EHMT1: variants seen among roughly 807,000 people sequenced by gnomAD.
EHMT1 encodes the protein histone-lysine N-methyltransferase EHMT1.
EHMT1 carries 15 observed loss-of-function variants against 147.2 expected under a neutral mutation model. That is an observed-to-expected ratio of 0.10 (90% confidence interval 0.07 to 0.16). The LOEUF (loss-of-function observed/expected upper bound fraction) is 0.16. Among genes scored for constraint, EHMT1 ranks in the 10% least tolerant of loss-of-function variants. EHMT1 has a pLI of 1.00. For synonymous variants in EHMT1, 795 were observed against 709.6 expected (o/e 1.12, Z -1.91); for missense variants, 1,587 against 1,772.4 (o/e 0.90, Z 1.88).
chr9:137,723,917 C>A (rs1946336974), intron 3 of EHMT1, among the ~76,000 whole-genome samples: 1 of 152,236 alleles, frequency 6.6e-6, no homozygotes, highest in Non-Finnish European at 1.5e-5. Flanking sequence ...CATAAAGCCC[C>A]AGCTCAGAGC....
chr9:137,716,916 A>G lies in EHMT1; in HGVS notation c.376A>G (p.Ile126Val), dbSNP rs773781896. The change falls in exon 3 of 27, where the codon ATC (isoleucine) becomes GTC (valine). Residue 126 changes from isoleucine (I) to valine (V), a missense_variant. Around this residue, in one of 7 missense-constraint regions of EHMT1, gnomAD observed 810 missense variants for 673.0 expected, o/e 1.20. Transcript: ENST00000460843. ...TTCTGTCATCGGCAGCAACGGATAC[A>G]TCTTAAATAAGCCGGCCCTACAGGC... ...QTSVIGSNGY[I>V]LNKPALQAQP... 12 of 1,612,902 alleles carry G rather than the reference A, an allele frequency of 7.4e-6. No homozygotes were observed. The highest frequency in any genetic ancestry group is 4.4e-5 in the South Asian group (4 of 91,094).
At chr9:137,675,552 C>T (rs1941173438) in intron 1 of EHMT1, among the ~76,000 whole-genome samples, 1 of 151,654 alleles carries the variant, frequency 6.6e-6, no homozygotes, top group African/African-American at 2.4e-5. Flanking sequence ...CAAGCTCCAC[C>T]TCCCAGGTTC....
chr9:137,743,466 T>A lies in EHMT1; in HGVS notation c.919T>A (p.Leu307Ile). The A allele has an allele frequency of 1.2e-6, 2 of 1,614,098 alleles. No homozygotes were observed. Among genetic ancestry groups the A allele is most frequent in the South Asian group, 2.2e-5 (2 of 91,074 alleles). Residue 307 changes from leucine to isoleucine, a missense_variant, in exon 5 of 27, where the codon TTA (leucine) becomes ATA (isoleucine). Transcript: ENST00000460843. Reference sequence around the variant, plus strand: ...GGTTCCTAAGAAAAAGACCAAAGTATTAAAACAGAGGACGGTGATTGAGAT... The same window carrying A: ...GGTTCCTAAGAAAAAGACCAAAGTAATAAAACAGAGGACGGTGATTGAGAT... ...SLVPKKKTKV[L>I]KQRTVIEMFK...
At chr9:137,639,727 T>G (rs1844346563) in intron 1 of EHMT1, among the ~76,000 whole-genome samples, 1 of 152,238 alleles carries the variant, frequency 6.6e-6, no homozygotes, top group Non-Finnish European at 1.5e-5. Context: ...GTCCTTTCCA[T>G]CTGAGATCGG....
In EHMT1 at chr9:137,717,088, G is replaced by A; in HGVS notation, c.548G>A (p.Ser183Asn). Residue 183 changes from serine to asparagine, a missense_variant, in exon 3 of 27, where the codon AGT becomes AAT. Transcript: ENST00000460843. The stretch of plus-strand genomic sequence containing the variant: ...CCACCAGCCACCCTTGGGGAGGGGA[G>A]TGCTGACACAGAGGACAGGAAGCTC... Reference protein sequence around the residue: ...AAPPATLGEGSADTEDRKLPA... With the variant: ...AAPPATLGEGNADTEDRKLPA... 1.2e-6 allele frequency: 2 copies of A among 1,611,910 alleles called. No homozygotes were observed. The highest frequency in any genetic ancestry group is 1.7e-6 in the Non-Finnish European group (2 of 1,179,366).
intron 1 of EHMT1, among the ~76,000 whole-genome samples, chr9:137,686,647 C>G (rs1020009081): frequency 2.0e-5 from 3 of 151,440 alleles, no homozygotes; most frequent in Non-Finnish European, 2.9e-5. Flanking sequence ...TCCAAGAGTG[C>G]TGGGATTAGA....
At chr9:137,636,523 C>T (rs1432136211) in intron 1 of EHMT1, among the ~76,000 whole-genome samples, 1 of 152,114 alleles carries the variant, frequency 6.6e-6, no homozygotes, top group African/African-American at 2.4e-5. Context: ...ATGATATTAG[C>T]TATGAGTTTT....
intron 23 of EHMT1, chr9:137,817,211 G>A: frequency 1.6e-6 from 1 of 612,230 alleles, no homozygotes. Flanking sequence ...CAGGACCAGT[G>A]ACTTGCCGAG....
At chr9:137,698,073 G>A (rs901159483) in intron 1 of EHMT1, among the ~76,000 whole-genome samples, 4 of 152,140 alleles carry the variant, frequency 2.6e-5, no homozygotes, top group African/African-American at 7.2e-5. Context: ...CGTGGCTCGC[G>A]GAGGCCTCAC....
intron 16 of EHMT1, among the ~76,000 whole-genome samples, chr9:137,798,521 C>T (rs935850374): frequency 6.6e-6 from 1 of 152,216 alleles, no homozygotes; most frequent in Non-Finnish European, 1.5e-5. Context: ...TGTGTTCCCA[C>T]TTTTTGCCAT....
At chr9:137,624,880 T>G (rs1411303647) in intron 1 of EHMT1, among the ~76,000 whole-genome samples, 1 of 151,850 alleles carries the variant, frequency 6.6e-6, no homozygotes, top group East Asian at 1.9e-4. Flanking sequence ...CCCAGTTTCA[T>G]TCTTCTTTTT....
At chr9:137,789,166 GGCC>G (rs1426922836) in intron 15 of EHMT1, 1 of 152,420 alleles carries the variant, frequency 6.6e-6, no homozygotes, top group African/African-American at 2.4e-5. Context: ...GTTTCCTGTG[GGCC>G]GCCGAGAGCT....
chr9:137,701,350 C>A (rs1351743763), intron 1 of EHMT1, among the ~76,000 whole-genome samples: 1 of 151,638 alleles, frequency 6.6e-6, no homozygotes, highest in Non-Finnish European at 1.5e-5. Context: ...ATGATGCGAT[C>A]TCAGCTCACT....
intron 1 of EHMT1, among the ~76,000 whole-genome samples, chr9:137,666,516 G>A (rs1417076032): frequency 6.6e-6 from 1 of 151,798 alleles, no homozygotes; most frequent in African/African-American, 2.4e-5. Flanking sequence ...AGGAACCAGG[G>A]ACCCTGGGAC....
chr9:137,628,055 G>C (rs1197176111), intron 1 of EHMT1, among the ~76,000 whole-genome samples: 1 of 152,150 alleles, frequency 6.6e-6, no homozygotes, highest in Non-Finnish European at 1.5e-5. Flanking sequence ...GGTGTCTTGT[G>C]GCTACAGAAG....
chr9:137,714,050 T>G (rs995867430), intron 2 of EHMT1, among the ~76,000 whole-genome samples: 1 of 152,254 alleles, frequency 6.6e-6, no homozygotes, highest in Non-Finnish European at 1.5e-5. Flanking sequence ...TTAAACTTCC[T>G]TGGGAATTTC....
At chr9:137,806,167 G>T (rs1255299824) in intron 18 of EHMT1, among the ~76,000 whole-genome samples, 1 of 151,550 alleles carries the variant, frequency 6.6e-6, no homozygotes, top group African/African-American at 2.4e-5. Flanking sequence ...CACCATGTTG[G>T]CTAGGCTGGT....
chr9:137,772,149 T>C (rs1300453310), intron 10 of EHMT1, among the ~76,000 whole-genome samples: 1 of 152,102 alleles, frequency 6.6e-6, no homozygotes, highest in East Asian at 1.9e-4. Flanking sequence ...GCAATGCATA[T>C]GGAGTTATTT....
intron 25 of EHMT1, among the ~76,000 whole-genome samples, chr9:137,823,242 G>A (rs1480404245): frequency 1.3e-5 from 2 of 151,446 alleles, no homozygotes; most frequent in African/African-American, 2.4e-5. Flanking sequence ...GGGACTACAG[G>A]CGCCCACCAC....
Sources: gnomAD v4.1 joint callset for allele counts (sites outside exome capture counted in the v4.1 genomes callset) on GRCh38, gnomAD v4.1.1 for gene constraint, gnomAD v4.1.1 regional missense constraint, MANE v1.5 for transcripts, NCBI Gene and HGNC (gene_info 2026-07-23, HGNC 2026-07-21) for gene names.